The following SYTL3 variants were observed in gnomAD, a reference collection of about 807,000 sequenced individuals.
The protein encoded by SYTL3 is synaptotagmin like 3.
A neutral mutation model predicts 82.1 loss-of-function variants in SYTL3; 88 were observed. The observed-to-expected ratio is 1.07, with a 90% confidence interval of 0.90 to 1.28. SYTL3 has a LOEUF of 1.28. Among genes scored for constraint, SYTL3 ranks in the 50% most tolerant of loss-of-function variants. The probability of loss-of-function intolerance (pLI) is 0.00; values close to 1 mark genes in which losing one functional copy is unlikely to be tolerated. For missense variants in SYTL3, 831 were observed against 757.6 expected (o/e 1.10, Z -1.14); for synonymous variants, 311 against 289.4 (o/e 1.07, Z -0.76).
intron 6 of SYTL3, among the ~76,000 whole-genome samples, chr6:158,706,268 G>A (rs1782080662): frequency 6.6e-6 from 1 of 152,138 alleles, no homozygotes; most frequent in South Asian, 2.1e-4. Context: ...GCCTGGCTAA[G>A]GACCCTGATC....
chr6:158,682,959 G>T lies in SYTL3; in HGVS notation c.364G>T (p.Glu122Ter). The change falls in exon 6 of 18, where the codon GAG becomes TAG. Residue 122 changes from glutamate to a stop codon, truncating the protein, a stop_gained. Transcript: ENST00000611299. LOFTEE classifies it high-confidence loss of function. ...AATAAAAACTGGAGAATGGTTCTATGAGGAACGAGCCAAGAAATTTCCAAC... is the reference window on the plus strand; with the variant it reads ...AATAAAAACTGGAGAATGGTTCTATTAGGAACGAGCCAAGAAATTTCCAAC... ...VKIKTGEWFY[E>*]ERAKKFPTGG... 2 of 1,613,554 alleles carry T rather than the reference G, an allele frequency of 1.2e-6. No homozygotes were observed. Among genetic ancestry groups the T allele is most frequent in the Non-Finnish European group, 1.7e-6 (2 of 1,179,562 alleles).
chr6:158,745,517 T>C lies in SYTL3; in HGVS notation c.893T>C (p.Met298Thr), dbSNP rs200753303. ...LISIDSTCTE[M>T]GNFDNANVTG... ...AGCATTGACAGCACCTGTACAGAGA[T>C]GGGCAATTTTGACAATGCTAATGTC... The change falls in exon 12 of 18, where the codon ATG (methionine) becomes ACG (threonine). Residue 298 changes from methionine (M) to threonine (T), a missense_variant. By Grantham distance (81) the Met-to-Thr change is moderately conservative. Transcript: ENST00000611299. The C allele has an allele frequency of 1.2e-6, 2 of 1,613,440 alleles. No homozygotes were observed. Among genetic ancestry groups the C allele is most frequent in the African/African-American group, 2.7e-5 (2 of 74,972 alleles).
intron 10 of SYTL3, among the ~76,000 whole-genome samples, chr6:158,724,269 TAATA>T: frequency 6.6e-6 from 1 of 152,230 alleles, no homozygotes; most frequent in Non-Finnish European, 1.5e-5. Context: ...TAGTGTTGCT[TAATA>T]AATAAATGTC....
chr6:158,651,460 C>T (rs1338076239), intron 1 of SYTL3, among the ~76,000 whole-genome samples: 5 of 151,892 alleles, frequency 3.3e-5, no homozygotes, highest in African/African-American at 9.7e-5. Flanking sequence ...TGGTGGCGGG[C>T]GCCTGTAGTC....
chr6:158,752,553 T>TA (rs1287658748), intron 13 of SYTL3, among the ~76,000 whole-genome samples: 1 of 152,230 alleles, frequency 6.6e-6, no homozygotes, highest in Non-Finnish European at 1.5e-5. Context: ...CTTTCTATGA[T>TA]ACTAGGAAAT....
At chr6:158,743,337 C>T (rs947567833) in intron 11 of SYTL3, among the ~76,000 whole-genome samples, 21 of 152,208 alleles carry the variant, frequency 1.4e-4, no homozygotes, top group Non-Finnish European at 2.9e-5. Context: ...GTCTTGGCAG[C>T]TCTACAATCT....
intron 13 of SYTL3, 48 bp from the exon 14 acceptor site, chr6:158,757,163 G>A: frequency 1.3e-6 from 2 of 1,567,514 alleles, no homozygotes; most frequent in Non-Finnish European, 1.7e-6. Flanking sequence ...GATCCTAGGA[G>A]TGCGGGCCCC....
chr6:158,745,660 TAA>T lies in SYTL3; in HGVS notation c.1034+3_1034+4del. ...AGAAAAGAAGAAAAAGTGCAATCCG[TAA>T]GTTGTTTTTTTTAAGTTTAACATGA... is the stretch of plus-strand genomic sequence containing the variant. On this transcript the variant is annotated splice_donor_region_variant and intron_variant, in intron 12 of 17. Coordinates refer to ENST00000611299, the MANE Select transcript of SYTL3 (RefSeq NM_001242394.2). 1 of 1,581,704 alleles carries T rather than the reference TAA, an allele frequency of 6.3e-7. No homozygotes were observed. The highest frequency in any genetic ancestry group is 8.6e-7 in the Non-Finnish European group (1 of 1,167,804).
rs369442925 is a variant in SYTL3, at chr6:158,754,675, A to G, written c.1138-2536A>G. ...GCGGAGCTTGCAGTGAGCTGAGATC[A>G]CACCACTGCACTCCAGCCTGGGCGA... On this transcript the variant is annotated intron_variant, in intron 13 of 17. Transcript: ENST00000611299. 3.8e-4 allele frequency among the ~76,000 whole-genome samples: 58 copies of G among 152,310 alleles called. No homozygotes were observed. In the East Asian group the frequency reaches 6.4e-3, roughly 17 times the overall value.
chr6:158,687,816 T>A (rs1779452795), intron 6 of SYTL3, among the ~76,000 whole-genome samples: 1 of 152,244 alleles, frequency 6.6e-6, no homozygotes, highest in East Asian at 1.9e-4. Flanking sequence ...GAAAGGAAGT[T>A]ACTTACTTTC....
At chr6:158,683,167 G>A (rs1022959127) in intron 6 of SYTL3, among the ~76,000 whole-genome samples, 178 bp downstream of exon 6, 13 of 149,686 alleles carry the variant, frequency 8.7e-5, no homozygotes, top group African/African-American at 2.0e-4. Flanking sequence ...CCCTCTGCTC[G>A]CTACTCTTCC....
intron 8 of SYTL3, among the ~76,000 whole-genome samples, chr6:158,711,373 T>C (rs1440650563): frequency 6.6e-6 from 1 of 152,190 alleles, no homozygotes; most frequent in Non-Finnish European, 1.5e-5. Context: ...CAATAGGATA[T>C]GTATATAGAT....
intron 13 of SYTL3, among the ~76,000 whole-genome samples, chr6:158,755,113 C>T (rs868110891): frequency 3.3e-5 from 5 of 152,102 alleles, no homozygotes; most frequent in South Asian, 2.1e-4. Context: ...GAGGCTGAGA[C>T]GGGTGGAGGG....
At chr6:158,752,854 G>A (rs980871079) in intron 13 of SYTL3, among the ~76,000 whole-genome samples, 2 of 152,190 alleles carry the variant, frequency 1.3e-5, no homozygotes, top group Non-Finnish European at 2.9e-5. Context: ...AGAGCCCTGA[G>A]TTCATTAAAT....
intron 11 of SYTL3, among the ~76,000 whole-genome samples, chr6:158,744,209 G>A (rs563580485): frequency 4.0e-5 from 6 of 151,010 alleles, no homozygotes; most frequent in Middle Eastern, 3.4e-3. Context: ...GAGCCACCAC[G>A]CCTGGTCTCA....
chr6:158,748,841 G>A (rs541748908), intron 12 of SYTL3, among the ~76,000 whole-genome samples: 2 of 123,838 alleles, frequency 1.6e-5, no homozygotes, highest in East Asian at 2.1e-4. Context: ...GCAAAACTCC[G>A]CCTGAAAAAA....
chr6:158,665,946 CAA>C (rs1463764031), intron 5 of SYTL3, among the ~76,000 whole-genome samples: 1 of 151,788 alleles, frequency 6.6e-6, no homozygotes, highest in South Asian at 2.1e-4. Context: ...CCCATCTCTA[CAA>C]AAAAATACAA....
intron 11 of SYTL3, among the ~76,000 whole-genome samples, chr6:158,734,250 A>T (rs911215947): frequency 6.6e-6 from 1 of 152,054 alleles, no homozygotes; most frequent in African/African-American, 2.4e-5. Context: ...AGGGGTTGGG[A>T]TGAGACTGTG....
chr6:158,691,604 C>A (rs982832710), intron 6 of SYTL3, among the ~76,000 whole-genome samples: 2 of 152,030 alleles, frequency 1.3e-5, no homozygotes, highest in Admixed American at 6.5e-5. Flanking sequence ...CATTCTGTTA[C>A]TTGATGTACA....
Sources: gnomAD v4.1 joint callset for allele counts (sites outside exome capture counted in the v4.1 genomes callset) on GRCh38, gnomAD v4.1.1 for gene constraint, MANE v1.5 for transcripts, NCBI Gene and HGNC (gene_info 2026-07-23, HGNC 2026-07-21) for gene names.